ERI3: variants seen among roughly 807,000 people sequenced by gnomAD.
ERI3 encodes ERI1 exoribonuclease 3.
ERI3 carries 18 observed loss-of-function variants against 44.4 expected under a neutral mutation model. The ratio of observed to expected loss-of-function variants is 0.41; its 90% CI spans 0.28 to 0.60. ERI3 has a LOEUF of 0.60. Among genes scored for constraint, ERI3 ranks in the 20% least tolerant of loss-of-function variants. ERI3 has a pLI of 0.36. For missense variants in ERI3, 294 were observed against 435.5 expected (o/e 0.68, Z 2.89); for synonymous variants, 183 against 164.8 (o/e 1.11, Z -0.84).
At chr1:44,328,176 T>A (rs1193778727) in intron 3 of ERI3, among the ~76,000 whole-genome samples, 1 of 151,946 alleles carries the variant, frequency 6.6e-6, no homozygotes, top group Non-Finnish European at 1.5e-5. Context: ...AATAGATTTT[T>A]AAAAATTCAC....
intron 8 of ERI3, among the ~76,000 whole-genome samples, chr1:44,233,291 C>T (rs540331463): frequency 1.1e-4 from 17 of 152,108 alleles, no homozygotes; most frequent in Non-Finnish European, 2.4e-4. Context: ...AACCCCTCAC[C>T]CATGCAAACA....
intron 7 of ERI3, among the ~76,000 whole-genome samples, chr1:44,276,146 C>T (rs1288603000): frequency 2.0e-5 from 3 of 152,198 alleles, no homozygotes; most frequent in African/African-American, 7.2e-5. Flanking sequence ...ATCCCTCACT[C>T]CTGCCCCAGG....
chr1:44,314,454 T>C (rs1646040618), intron 4 of ERI3, among the ~76,000 whole-genome samples: 1 of 152,168 alleles, frequency 6.6e-6, no homozygotes, highest in South Asian at 2.1e-4. Flanking sequence ...TTTAATTGGG[T>C]AACAGCTGCT....
intron 7 of ERI3, among the ~76,000 whole-genome samples, chr1:44,282,929 G>C (rs539088688): frequency 6.6e-6 from 1 of 152,354 alleles, no homozygotes; most frequent in African/African-American, 2.4e-5. Context: ...TGGGCCAGCA[G>C]CACCAAGGTG....
intron 2 of ERI3, among the ~76,000 whole-genome samples, chr1:44,343,846 G>A (rs1022682179): frequency 4.6e-5 from 7 of 152,082 alleles, no homozygotes; most frequent in African/African-American, 7.2e-5. Context: ...GCATTAGGTC[G>A]GCAACTTAAC....
intron 1 of ERI3, chr1:44,354,228 ATGTC>A (rs1646951803): frequency 2.0e-6 from 2 of 985,434 alleles, no homozygotes; most frequent in African/African-American, 1.7e-5. Flanking sequence ...GACTGATTAA[ATGTC>A]TGACAAGAGT....
intron 8 of ERI3, among the ~76,000 whole-genome samples, chr1:44,245,905 T>C (rs557354338): frequency 6.6e-6 from 1 of 152,294 alleles, no homozygotes; most frequent in East Asian, 1.9e-4. Context: ...CTGGTCCTCT[T>C]TGGTTCCTCC....
At chr1:44,256,130 G>A (rs1326020745) in intron 7 of ERI3, among the ~76,000 whole-genome samples, 1 of 152,092 alleles carries the variant, frequency 6.6e-6, no homozygotes, top group Non-Finnish European at 1.5e-5. Context: ...GAAGCGAGAG[G>A]AGAAGGGGAG....
intron 2 of ERI3, among the ~76,000 whole-genome samples, chr1:44,341,675 C>A (rs1646656683): frequency 6.6e-6 from 1 of 152,122 alleles, no homozygotes; most frequent in Non-Finnish European, 1.5e-5. Context: ...TTGCTTGAGC[C>A]CAGGAGTTCG....
chr1:44,307,879 C>T (rs1346316940), intron 6 of ERI3, among the ~76,000 whole-genome samples: 1 of 152,170 alleles, frequency 6.6e-6, no homozygotes, highest in East Asian at 1.9e-4. Flanking sequence ...CCTTTCTGTA[C>T]CTTTACTCCC....
intron 7 of ERI3, 149 bp downstream of exon 7, chr1:44,284,686 T>C: frequency 1.6e-6 from 1 of 633,406 alleles, no homozygotes; most frequent in Non-Finnish European, 2.8e-6. Flanking sequence ...TTTCAGTGCA[T>C]ATTAGCTAAG....
At chr1:44,340,264 C>T (rs1238225059) in intron 2 of ERI3, among the ~76,000 whole-genome samples, 1 of 151,998 alleles carries the variant, frequency 6.6e-6, no homozygotes, top group Admixed American at 6.5e-5. Context: ...CTAAGTTTTA[C>T]TCACGAATAA....
At position 44,228,658 on chromosome 1, in the gene ERI3, G is replaced by A. The variant is rs941519945; in HGVS notation, c.932-7018C>T. Among the ~76,000 whole-genome samples the A allele has an allele frequency of 2.0e-5, 3 of 152,186 alleles. No individual in the cohort carries two copies. The highest frequency in any genetic ancestry group is 4.8e-5 in the African/African-American group (2 of 41,448). ...TGAGGCCATTACACACCCATTACCCGCCAGCTCACAGCCACTTGGGGGCAG... is the reference window on the plus strand; with the variant it reads ...TGAGGCCATTACACACCCATTACCCACCAGCTCACAGCCACTTGGGGGCAG... On this transcript the variant is annotated intron_variant, in intron 8 of 8. Coordinates refer to ENST00000372257, the MANE Select transcript of ERI3 (RefSeq NM_024066.3). The surrounding 1 kb of genome is among the most constrained non-coding windows in gnomAD (Gnocchi z 4.3).
chr1:44,278,724 C>T (rs888443415), intron 7 of ERI3, among the ~76,000 whole-genome samples: 2 of 152,066 alleles, frequency 1.3e-5, no homozygotes, highest in Admixed American at 6.5e-5. Flanking sequence ...CTCAGCTTCC[C>T]GAGTAGCTAG....
At chr1:44,247,326 T>C (rs752185097) in intron 8 of ERI3, among the ~76,000 whole-genome samples, 6 of 152,180 alleles carry the variant, frequency 3.9e-5, no homozygotes, top group South Asian at 4.1e-4. Context: ...CCTGGAATCA[T>C]AGCCACTCCA....
intron 2 of ERI3, among the ~76,000 whole-genome samples, chr1:44,340,234 C>G (rs776470712): frequency 1.9e-4 from 29 of 151,284 alleles, no homozygotes; most frequent in Admixed American, 2.6e-4. Context: ...AGAGGCCTAA[C>G]TAAATACAAA....
At chr1:44,328,921 G>A (rs551307232) in intron 3 of ERI3, among the ~76,000 whole-genome samples, 2 of 152,286 alleles carry the variant, frequency 1.3e-5, no homozygotes, top group South Asian at 4.1e-4. Flanking sequence ...GCTGCCAAGA[G>A]CTAGGGCAGA....
chr1:44,290,146 G>T (rs967622743), intron 6 of ERI3, among the ~76,000 whole-genome samples: 18 of 152,230 alleles, frequency 1.2e-4, no homozygotes, highest in Non-Finnish European at 2.2e-4. Flanking sequence ...GTGGGACCTG[G>T]ATCTTGGAGT....
intron 7 of ERI3, chr1:44,283,990 A>AC: frequency 2.1e-6 from 1 of 469,648 alleles, no homozygotes; most frequent in South Asian, 1.6e-5. Context: ...CACTACCTTG[A>AC]CCCCCGGTGT....
Sources: allele counts gnomAD v4.1 joint callset (sites outside exome capture counted in the v4.1 genomes callset), GRCh38; gene constraint gnomAD v4.1.1; non-coding constraint Gnocchi (gnomAD v3.1); transcripts MANE v1.5; gene names NCBI Gene and HGNC (gene_info 2026-07-23, HGNC 2026-07-21).